The following HS6ST3 variants were observed in gnomAD, a reference collection of about 807,000 sequenced individuals.
HS6ST3 encodes heparan-sulfate 6-O-sulfotransferase 3.
A neutral mutation model predicts 36.7 loss-of-function variants in HS6ST3; 12 were observed. That is an observed-to-expected ratio of 0.33 (90% CI 0.21 to 0.53). The LOEUF (loss-of-function observed/expected upper bound fraction) is 0.53. Among genes scored for constraint, HS6ST3 ranks in the 20% least tolerant of loss-of-function variants. The pLI is 0.95. For synonymous variants in HS6ST3, 240 were observed against 257.5 expected, an observed-to-expected ratio of 0.93 and a Z score of 0.65; for missense variants, 584 against 640.9, an observed-to-expected ratio of 0.91 and a Z score of 0.96.
intron 1 of HS6ST3, among the ~76,000 whole-genome samples, chr13:96,553,028 C>T (rs1017647788): frequency 6.6e-6 from 1 of 152,142 alleles, no homozygotes; most frequent in Admixed American, 6.5e-5. Flanking sequence ...AGAAAGGACA[C>T]ACCTGTTCCT....
chr13:96,479,655 G>A (rs2055880951), intron 1 of HS6ST3, among the ~76,000 whole-genome samples: 1 of 152,152 alleles, frequency 6.6e-6, no homozygotes, highest in Admixed American at 6.5e-5. Flanking sequence ...AGAGAAATTG[G>A]TGGTTAATAA....
At chr13:96,639,002 T>G (rs1336916557) in intron 1 of HS6ST3, among the ~76,000 whole-genome samples, 4 of 152,186 alleles carry the variant, frequency 2.6e-5, no homozygotes, top group Admixed American at 1.3e-4. Context: ...ATGGAGAGTG[T>G]GCCACGTGCA....
chr13:96,449,891 G>A (rs999786117), intron 1 of HS6ST3, among the ~76,000 whole-genome samples: 1 of 152,164 alleles, frequency 6.6e-6, no homozygotes, highest in African/African-American at 2.4e-5. Context: ...TTAAAAGTTA[G>A]AATTTCTATG....
At chr13:96,680,055 C>T (rs553614839) in intron 1 of HS6ST3, among the ~76,000 whole-genome samples, 4 of 152,210 alleles carry the variant, frequency 2.6e-5, no homozygotes, top group African/African-American at 9.6e-5. Context: ...CCCTGAGTCC[C>T]ATCCCATCCA....
intron 1 of HS6ST3, among the ~76,000 whole-genome samples, chr13:96,223,970 C>T (rs1262800982): frequency 6.6e-6 from 1 of 151,804 alleles, no homozygotes; most frequent in Non-Finnish European, 1.5e-5. Flanking sequence ...TCAATCTTCC[C>T]TTCCCTCTTC....
chr13:96,394,451 C>T (rs2055410997), intron 1 of HS6ST3, among the ~76,000 whole-genome samples: 3 of 152,158 alleles, frequency 2.0e-5, no homozygotes. Context: ...TCCTGTCCTG[C>T]ATTCATTTTG....
Position 96,244,782 on chromosome 13 carries a change from T to C in HS6ST3, c.707+153213T>C, listed in dbSNP as rs78181065. The stretch of plus-strand genomic sequence containing the variant: ...ATATTCTGCCAGGGATCGAAATCTA[T>C]GGGTGGCCTATAACAGAAGTCTGCC... On this transcript the variant is annotated intron_variant, in intron 1 of 1. Coordinates refer to ENST00000376705, the MANE Select transcript of HS6ST3 (RefSeq NM_153456.4). 2.6e-5 allele frequency among the ~76,000 whole-genome samples: 4 copies of C among 152,164 alleles called. No individual in the cohort carries two copies. The East Asian group carries it at 7.7e-4, about 29-fold the overall frequency.
At chr13:96,381,410 G>GTATCTATC (rs78957056) in intron 1 of HS6ST3, among the ~76,000 whole-genome samples, 154 of 138,682 alleles carry the variant, frequency 1.1e-3, no homozygotes, top group African/African-American at 3.7e-3. Context: ...ATGTATCTAT[G>GTATCTATC]TATCTATCTA....
intron 1 of HS6ST3, among the ~76,000 whole-genome samples, chr13:96,615,859 G>C (rs1172006436): frequency 6.6e-6 from 1 of 152,184 alleles, no homozygotes; most frequent in East Asian, 1.9e-4. Flanking sequence ...TATGTGACCT[G>C]AGTTTACTCT....
At chr13:96,358,363 G>T (rs1368814212) in intron 1 of HS6ST3, among the ~76,000 whole-genome samples, 1 of 152,128 alleles carries the variant, frequency 6.6e-6, no homozygotes, top group Non-Finnish European at 1.5e-5. Context: ...GTGTTTCTTG[G>T]TAGTGGAACA....
intron 1 of HS6ST3, among the ~76,000 whole-genome samples, chr13:96,779,909 G>A (rs1390925387): frequency 6.6e-6 from 1 of 152,160 alleles, no homozygotes; most frequent in Admixed American, 6.6e-5. Context: ...CCTATGACCA[G>A]ATTGGAATGC....
At chr13:96,472,637 A>G (rs2055845105) in intron 1 of HS6ST3, among the ~76,000 whole-genome samples, 1 of 152,114 alleles carries the variant, frequency 6.6e-6, no homozygotes, top group Non-Finnish European at 1.5e-5. Flanking sequence ...TTCAAGTAGA[A>G]TTGAACGTTC....
intron 1 of HS6ST3, among the ~76,000 whole-genome samples, chr13:96,320,957 A>G (rs573791840): frequency 6.6e-6 from 1 of 152,152 alleles, no homozygotes; most frequent in African/African-American, 2.4e-5. Flanking sequence ...CTTGCATATT[A>G]TAATGTGGAT....
chr13:96,258,710 C>T (rs2054649802), intron 1 of HS6ST3, among the ~76,000 whole-genome samples: 1 of 152,054 alleles, frequency 6.6e-6, no homozygotes, highest in Admixed American at 6.6e-5. Context: ...AGTGTCTGAC[C>T]TATAGTAGAT....
chr13:96,653,884 T>G (rs903098710), intron 1 of HS6ST3, among the ~76,000 whole-genome samples: 5 of 152,214 alleles, frequency 3.3e-5, no homozygotes, highest in African/African-American at 7.2e-5. Flanking sequence ...TTCCTGACTT[T>G]TTAACGGTCA....
chr13:96,801,241 G>C (rs888817212), intron 1 of HS6ST3, among the ~76,000 whole-genome samples: 13 of 152,120 alleles, frequency 8.5e-5, no homozygotes, highest in African/African-American at 3.1e-4. Flanking sequence ...GCAATCCCAA[G>C]GATGCAAAAC....
rs904571964 is a variant in HS6ST3 at position 96,732,648 on chromosome 13, T to A, written c.708-99842T>A. 2.0e-5 allele frequency among the ~76,000 whole-genome samples: 3 copies of A among 152,196 alleles called. No homozygotes were observed. The South Asian group carries it at 6.2e-4, about 31-fold the overall frequency. On this transcript the variant is annotated intron_variant, in intron 1 of 1. Transcript: ENST00000376705. Reference sequence around the variant, plus strand: ...CTATTCAGGGTATTTTTTGGTTTCATACAACTTTTAGAACTGTTTTTTCCA... The same window carrying A: ...CTATTCAGGGTATTTTTTGGTTTCAAACAACTTTTAGAACTGTTTTTTCCA...
At chr13:96,684,658 T>G (rs1035945511) in intron 1 of HS6ST3, among the ~76,000 whole-genome samples, 2 of 152,100 alleles carry the variant, frequency 1.3e-5, no homozygotes, top group Non-Finnish European at 2.9e-5. Context: ...GTATTCCCAT[T>G]GTGTTGTCAT....
chr13:96,793,891 A>G (rs1374395130), intron 1 of HS6ST3, among the ~76,000 whole-genome samples: 3 of 152,160 alleles, frequency 2.0e-5, no homozygotes, highest in East Asian at 3.9e-4. Flanking sequence ...TGGGACCTAT[A>G]TGCTAGTTTT....
Sources: allele counts gnomAD v4.1 joint callset (sites outside exome capture counted in the v4.1 genomes callset), GRCh38; gene constraint gnomAD v4.1.1; transcripts MANE v1.5; gene names NCBI Gene and HGNC (gene_info 2026-07-23, HGNC 2026-07-21).